The following POU6F2 variants were observed in gnomAD, a reference collection of about 807,000 sequenced individuals.
POU6F2 encodes POU domain, class 6, transcription factor 2.
POU6F2 carries 31 observed loss-of-function variants against 71.3 expected under a neutral mutation model. The observed-to-expected ratio is 0.43, with a 90% CI of 0.33 to 0.59. The LOEUF is 0.59. POU6F2 is among the 20% of genes least tolerant of loss of function. POU6F2 has a pLI of 0.04. For missense variants in POU6F2, 783 were observed against 856.8 expected (o/e 0.91, Z 1.07); for synonymous variants, 347 against 355.7 (o/e 0.98, Z 0.27).
intron 5 of POU6F2, among the ~76,000 whole-genome samples, chr7:39,364,503 G>A (rs777133950): frequency 7.9e-5 from 12 of 152,070 alleles, no homozygotes; most frequent in Non-Finnish European, 1.8e-4. Flanking sequence ...ACTTATGAGC[G>A]AGAACATACC....
intron 1 of POU6F2, among the ~76,000 whole-genome samples, chr7:39,031,003 C>T (rs937462380): frequency 1.3e-5 from 2 of 152,024 alleles, no homozygotes; most frequent in South Asian, 2.1e-4. Context: ...CGGGTTCAAG[C>T]GATTCTCCTG....
intron 8 of POU6F2, among the ~76,000 whole-genome samples, chr7:39,456,284 A>G (rs1234690197): frequency 6.6e-6 from 1 of 152,196 alleles, no homozygotes; most frequent in Non-Finnish European, 1.5e-5. Context: ...AGAATAGATG[A>G]CAGAAAGCCA....
intron 1 of POU6F2, among the ~76,000 whole-genome samples, chr7:39,021,824 G>A (rs575418734): frequency 6.6e-6 from 1 of 152,148 alleles, no homozygotes; most frequent in African/African-American, 2.4e-5. Context: ...AAGATTTCTA[G>A]AATTTGTACT....
intron 5 of POU6F2, among the ~76,000 whole-genome samples, chr7:39,398,692 T>C (rs902095385): frequency 1.3e-5 from 2 of 152,176 alleles, no homozygotes; most frequent in Admixed American, 6.5e-5. Flanking sequence ...GTTGAGGATC[T>C]GCAAAAAGGC....
At chr7:39,378,875 T>A (rs1390947003) in intron 5 of POU6F2, among the ~76,000 whole-genome samples, 2 of 152,234 alleles carry the variant, frequency 1.3e-5, no homozygotes, top group Non-Finnish European at 2.9e-5. Flanking sequence ...ATTATGTAGT[T>A]CTTTAAGCTC....
chr7:39,287,643 A>G (rs541315566), intron 4 of POU6F2, among the ~76,000 whole-genome samples: 1 of 152,298 alleles, frequency 6.6e-6, no homozygotes, highest in Admixed American at 6.5e-5. Flanking sequence ...TCCAGGAGAC[A>G]CACACAGAAA....
intron 1 of POU6F2, among the ~76,000 whole-genome samples, chr7:38,997,784 G>T (rs1027714218): frequency 4.6e-5 from 7 of 152,186 alleles, no homozygotes; most frequent in African/African-American, 1.7e-4. Context: ...GCACGTATGG[G>T]TATATGTAAA....
chr7:39,253,925 C>T (rs779941175), intron 4 of POU6F2, among the ~76,000 whole-genome samples: 8 of 152,104 alleles, frequency 5.3e-5, no homozygotes, highest in Non-Finnish European at 7.4e-5. Context: ...TTTATCTTGC[C>T]TAGAATGCGA....
chr7:39,131,841 AT>A lies in POU6F2; in HGVS notation c.277+45820del, dbSNP rs70977461. On this transcript the variant is annotated intron_variant, in intron 2 of 9. Transcript: ENST00000518318. ...ATGAGAGGCATCTATTTTGTTTTAT[AT>A]TTTTTTTTTATGTTTTTAAATTTTT... Among the ~76,000 whole-genome samples, 143 of 149,864 alleles carry A rather than the reference AT, an allele frequency of 9.5e-4. 1 individual carries two copies. Among genetic ancestry groups the A allele is most frequent in the African/African-American group, 3.0e-3 (124 of 40,702 alleles).
chr7:39,210,310 G>A (rs1224775983), intron 4 of POU6F2, among the ~76,000 whole-genome samples: 3 of 152,038 alleles, frequency 2.0e-5, no homozygotes, highest in African/African-American at 7.2e-5. Context: ...TTTTATTCAT[G>A]AAACAGTTCG....
intron 4 of POU6F2, among the ~76,000 whole-genome samples, chr7:39,224,629 T>G (rs2128748968): frequency 6.6e-6 from 1 of 152,202 alleles, no homozygotes; most frequent in East Asian, 1.9e-4. Context: ...ACTTGAAAAT[T>G]TATTTATTGG....
intron 1 of POU6F2, among the ~76,000 whole-genome samples, chr7:39,032,849 G>A (rs943382901): frequency 2.0e-5 from 3 of 152,112 alleles, no homozygotes; most frequent in Non-Finnish European, 4.4e-5. Context: ...GGGAGCAGTC[G>A]GTCCACTCCT....
At chr7:39,413,099 C>T (rs753112046) in intron 6 of POU6F2, among the ~76,000 whole-genome samples, 13 of 151,572 alleles carry the variant, frequency 8.6e-5, no homozygotes, top group Admixed American at 2.0e-4. Context: ...CCACCGCGCC[C>T]GGCCTTCTTG....
At chr7:39,447,019 C>G (rs899001702) in intron 7 of POU6F2, among the ~76,000 whole-genome samples, 1 of 152,116 alleles carries the variant, frequency 6.6e-6, no homozygotes, top group African/African-American at 2.4e-5. Flanking sequence ...GGGGGTAGTA[C>G]AGATAACTAG....
intron 5 of POU6F2, among the ~76,000 whole-genome samples, chr7:39,388,547 C>T (rs1348286479): frequency 6.6e-6 from 1 of 152,156 alleles, no homozygotes; most frequent in Non-Finnish European, 1.5e-5. Flanking sequence ...AACTCCTGAC[C>T]TCAGGCGATC....
At chr7:39,225,916 T>C (rs1794451712) in intron 4 of POU6F2, among the ~76,000 whole-genome samples, 1 of 152,014 alleles carries the variant, frequency 6.6e-6, no homozygotes, top group Admixed American at 6.6e-5. Context: ...ATAGAATGCT[T>C]CAGGTCTCAT....
chr7:39,062,237 TA>T (rs143965898), intron 1 of POU6F2, among the ~76,000 whole-genome samples: 3 of 152,008 alleles, frequency 2.0e-5, no homozygotes, highest in African/African-American at 4.8e-5. Flanking sequence ...TCAGTACTGT[TA>T]AAAAAATACT....
At chr7:39,016,057 T>TATATATTATATATAGATATATATC (rs1562671326) in intron 1 of POU6F2, among the ~76,000 whole-genome samples, 1 of 37,916 alleles carries the variant, frequency 2.6e-5, no homozygotes, top group Non-Finnish European at 5.4e-5. Context: ...TTATATATAT[T>TATATATTATATATAGATATATATC]ATATATAATA....
chr7:39,434,632 T>G (rs887424812), intron 7 of POU6F2, among the ~76,000 whole-genome samples: 17 of 150,274 alleles, frequency 1.1e-4, no homozygotes, highest in Admixed American at 2.0e-4. Context: ...TGTTTTTGGG[T>G]TTTTTTTAAA....
Sources: allele counts gnomAD v4.1 joint callset (sites outside exome capture counted in the v4.1 genomes callset), GRCh38; gene constraint gnomAD v4.1.1; transcripts MANE v1.5; gene names NCBI Gene and HGNC (gene_info 2026-07-23, HGNC 2026-07-21).